EYA1: variants seen among roughly 807,000 people sequenced by gnomAD.
EYA1 encodes EYA transcriptional coactivator and phosphatase 1, also known as protein phosphatase EYA1.
Under a neutral mutation model 82.0 loss-of-function variants are expected in EYA1, and 16 were observed. That is an observed-to-expected ratio of 0.20 (90% CI 0.13 to 0.30). The LOEUF (loss-of-function observed/expected upper bound fraction) is 0.30. EYA1 is among the 10% of genes least tolerant of loss of function. The pLI, the probability that EYA1 is intolerant of heterozygous loss-of-function variation, is 1.00. For missense variants in EYA1, 633 were observed against 730.7 expected (o/e 0.87, Z 1.54); for synonymous variants, 261 against 264.4 (o/e 0.99, Z 0.12).
At chr8:71,534,842 G>A (rs7838858) in intron 2 of EYA1, among the ~76,000 whole-genome samples, 14,461 of 148,766 alleles carry the variant, frequency 0.097, 2,391 homozygotes, top group African/African-American at 0.34. Context: ...TAACCTGCAC[G>A]TTCTGCACAT....
rs537801736 is a variant in EYA1, at chr8:71,525,239, G to A, written c.33+10505C>T. On this transcript the variant is annotated intron_variant, in intron 2 of 18. Transcript: ENST00000643681. ...CCTCACAGGTATGCACTGAATTAAC[G>A]TGGTAAGAATGCAAGTTCAGTTACT... Among the ~76,000 whole-genome samples the A allele has an allele frequency of 2.0e-5, 3 of 152,264 alleles. No individual in the cohort carries two copies. In the South Asian group the frequency reaches 6.2e-4, roughly 32 times the overall value.
At chr8:71,482,861 G>GTT (rs948016367) in intron 2 of EYA1, among the ~76,000 whole-genome samples, 20 of 152,192 alleles carry the variant, frequency 1.3e-4, no homozygotes, top group African/African-American at 4.6e-4. Context: ...CAGAGTAGAG[G>GTT]TTACCTTTGT....
At chr8:71,452,514 C>A (rs915848239) in intron 2 of EYA1, among the ~76,000 whole-genome samples, 2 of 152,156 alleles carry the variant, frequency 1.3e-5, no homozygotes, top group African/African-American at 4.8e-5. Flanking sequence ...CTGGGAGGCA[C>A]CCCCCAGTAG....
intron 2 of EYA1, among the ~76,000 whole-genome samples, chr8:71,373,098 A>C (rs1351922460): frequency 6.6e-6 from 1 of 152,118 alleles, no homozygotes; most frequent in Non-Finnish European, 1.5e-5. Flanking sequence ...TTCTCACCAT[A>C]CCACCTCTGT....
At chr8:71,223,480 C>T (rs992692608) in intron 12 of EYA1, among the ~76,000 whole-genome samples, 5 of 152,224 alleles carry the variant, frequency 3.3e-5, no homozygotes, top group Non-Finnish European at 5.9e-5. Flanking sequence ...TAACAGTCAT[C>T]TAACTACTCA....
At chr8:71,322,307 C>A (rs1046919793) in intron 4 of EYA1, 39 bp from the exon 5 acceptor site, 15 of 1,523,672 alleles carry the variant, frequency 9.8e-6, no homozygotes, top group African/African-American at 5.5e-5. Context: ...GCACAATAAT[C>A]CAAGCAAAAC....
intron 2 of EYA1, among the ~76,000 whole-genome samples, chr8:71,505,787 T>C (rs144643705): frequency 6.6e-6 from 1 of 152,284 alleles, no homozygotes; most frequent in African/African-American, 2.4e-5. Flanking sequence ...ATTTCTATGA[T>C]TGATATGGTT....
At chr8:71,483,904 A>G (rs1361552169) in intron 2 of EYA1, among the ~76,000 whole-genome samples, 2 of 152,222 alleles carry the variant, frequency 1.3e-5, no homozygotes, top group East Asian at 3.9e-4. Flanking sequence ...AATCAGAAGT[A>G]AAATGAGAGG....
intron 2 of EYA1, among the ~76,000 whole-genome samples, chr8:71,464,988 C>T (rs1808673725): frequency 6.6e-6 from 1 of 152,114 alleles, no homozygotes; most frequent in African/African-American, 2.4e-5. Context: ...AATACTAATA[C>T]GTCTTATTGT....
intron 11 of EYA1, among the ~76,000 whole-genome samples, chr8:71,266,582 T>C (rs1376188754): frequency 6.6e-6 from 1 of 152,210 alleles, no homozygotes; most frequent in Non-Finnish European, 1.5e-5. Context: ...GACAACAGGC[T>C]GACCGCAAGT....
intron 12 of EYA1, among the ~76,000 whole-genome samples, chr8:71,241,847 T>C (rs1812515913): frequency 6.6e-6 from 1 of 152,174 alleles, no homozygotes; most frequent in Non-Finnish European, 1.5e-5. Flanking sequence ...AATTTTACTT[T>C]TTATTTTGAA....
At chr8:71,413,400 A>C (rs1377699027) in intron 2 of EYA1, among the ~76,000 whole-genome samples, 2 of 152,158 alleles carry the variant, frequency 1.3e-5, no homozygotes, top group Non-Finnish European at 2.9e-5. Context: ...TCTGCTTCTC[A>C]TTTTACTTTA....
intron 11 of EYA1, among the ~76,000 whole-genome samples, chr8:71,253,829 C>T (rs572088270): frequency 8.5e-5 from 13 of 152,178 alleles, no homozygotes; most frequent in South Asian, 4.1e-4. Context: ...CTAAAGGTAA[C>T]GAGGAAGCCT....
In EYA1 at chr8:71,266,713, C is replaced by T. The variant is rs10089811; in HGVS notation, c.1050+3027G>A. On this transcript the variant is annotated intron_variant, in intron 11 of 17. Transcript: ENST00000340726. The stretch of plus-strand genomic sequence containing the variant: ...GTGAATCTGCCATCTCCTGTACTGA[C>T]TAGTCCCCCCAGTGCCCTGGGCTCA... 6.7e-3 allele frequency among the ~76,000 whole-genome samples: 1,018 copies of T among 152,274 alleles called. 6 individuals are homozygous for T. The highest frequency in any genetic ancestry group is 0.023 in the African/African-American group (944 of 41,542).
chr8:71,439,577 C>T (rs1025375865), intron 2 of EYA1, among the ~76,000 whole-genome samples: 17 of 152,206 alleles, frequency 1.1e-4, no homozygotes, highest in African/African-American at 4.1e-4. Context: ...ACTCATTGGG[C>T]TCCTCCATAA....
intron 9 of EYA1, among the ~76,000 whole-genome samples, chr8:71,289,097 G>GA (rs1818725476): frequency 6.6e-6 from 1 of 151,960 alleles, no homozygotes; most frequent in Non-Finnish European, 1.5e-5. Context: ...AAAAGATAAA[G>GA]AAAAAAAGGA....
intron 2 of EYA1, among the ~76,000 whole-genome samples, chr8:71,495,299 GTGAAATTCAT>G (rs1349531447): frequency 2.6e-5 from 4 of 152,196 alleles, no homozygotes; most frequent in Admixed American, 2.6e-4. Context: ...CTAATTTGAT[GTGAAATTCAT>G]TTAGGAGTTC....
intron 4 of EYA1, among the ~76,000 whole-genome samples, chr8:71,330,402 T>C (rs746597598): frequency 1.3e-5 from 2 of 152,158 alleles, no homozygotes; most frequent in South Asian, 2.1e-4. Context: ...TACTTACCCA[T>C]ACCTCTAACC....
chr8:71,224,715 A>G (rs1369905560), intron 12 of EYA1, among the ~76,000 whole-genome samples: 1 of 152,226 alleles, frequency 6.6e-6, no homozygotes, highest in Admixed American at 6.5e-5. Context: ...CTGTCTGTGG[A>G]TCTATCCAGA....
Sources: gnomAD v4.1 joint callset for allele counts (sites outside exome capture counted in the v4.1 genomes callset) on GRCh38, gnomAD v4.1.1 for gene constraint, MANE v1.5 for transcripts, NCBI Gene and HGNC (gene_info 2026-07-23, HGNC 2026-07-21) for gene names.